TRAM2: variants seen among roughly 807,000 people sequenced by gnomAD.
TRAM2 encodes translocating chain-associated membrane protein 2.
Under a neutral mutation model 51.0 loss-of-function variants are expected in TRAM2, and 12 were observed. The observed-to-expected ratio is 0.24, with a 90% CI of 0.15 to 0.38. TRAM2 has a LOEUF of 0.38. Among genes scored for constraint, TRAM2 ranks in the 10% least tolerant of loss-of-function variants. The probability of loss-of-function intolerance (pLI) is 1.00; values close to 1 mark genes in which losing one functional copy is unlikely to be tolerated. For synonymous variants in TRAM2, 175 were observed against 179.4 expected (o/e 0.98, Z 0.20); for missense variants, 361 against 462.0 (o/e 0.78, Z 2.00).
intron 1 of TRAM2, among the ~76,000 whole-genome samples, chr6:52,537,789 C>T (rs546877298): frequency 6.6e-6 from 1 of 152,288 alleles, no homozygotes; most frequent in South Asian, 2.1e-4. Flanking sequence ...ACAGTAAGTG[C>T]TCAGTAACGG....
intron 1 of TRAM2, 119 bp downstream of exon 1, chr6:52,576,677 A>C: frequency 3.7e-6 from 5 of 1,353,848 alleles, no homozygotes; most frequent in Non-Finnish European, 5.0e-6. Context: ...GGTGCAGATA[A>C]CGTACACGGC....
At position 52,568,418 on chromosome 6, in the gene TRAM2, G is replaced by A. The variant is rs896536672; in HGVS notation, c.120+8378C>T. On this transcript the variant is annotated intron_variant, in intron 1 of 10. Transcript: ENST00000182527. ...AGTTGGACTACAAACTAAAAACACA[G>A]TCTCAACTCCAAAACCATGGGTCTG... Among the ~76,000 whole-genome samples, 3 of 152,158 alleles carry A rather than the reference G, an allele frequency of 2.0e-5. No individual in the cohort carries two copies. The South Asian group carries it at 6.2e-4, about 32-fold the overall frequency.
intron 1 of TRAM2, among the ~76,000 whole-genome samples, chr6:52,550,661 C>T (rs1767292116): frequency 6.6e-6 from 1 of 152,138 alleles, no homozygotes; most frequent in South Asian, 2.1e-4. Flanking sequence ...ACGTGATTCT[C>T]CTGCCTCAGC....
intron 5 of TRAM2, among the ~76,000 whole-genome samples, 164 bp from the exon 6 acceptor site, chr6:52,508,482 C>A (rs1243019755): frequency 6.6e-6 from 1 of 152,244 alleles, no homozygotes; most frequent in Non-Finnish European, 1.5e-5. Flanking sequence ...GAGCCTGGGA[C>A]CCTGGCTTCT....
intron 2 of TRAM2, among the ~76,000 whole-genome samples, chr6:52,518,885 G>A (rs534028997): frequency 1.4e-3 from 209 of 152,296 alleles, no homozygotes; most frequent in Non-Finnish European, 2.5e-3. Context: ...TAGGCATAAT[G>A]GGATTTATAC....
intron 1 of TRAM2, among the ~76,000 whole-genome samples, chr6:52,538,828 A>T (rs926784437): frequency 5.9e-5 from 9 of 152,206 alleles, no homozygotes; most frequent in Non-Finnish European, 1.3e-4. Flanking sequence ...AACTGTCATC[A>T]TTCACATGAA....
intron 1 of TRAM2, among the ~76,000 whole-genome samples, chr6:52,574,276 GT>G (rs1314465359): frequency 6.6e-6 from 1 of 152,138 alleles, no homozygotes; most frequent in Non-Finnish European, 1.5e-5. Flanking sequence ...TTGTTTCTCT[GT>G]GGTACCTACA....
At chr6:52,550,515 A>G (rs970081835) in intron 1 of TRAM2, among the ~76,000 whole-genome samples, 3 of 152,150 alleles carry the variant, frequency 2.0e-5, no homozygotes, top group Admixed American at 2.0e-4. Flanking sequence ...TAACCTCATC[A>G]ACGTAACTGC....
At chr6:52,563,812 G>T (rs1767543599) in intron 1 of TRAM2, among the ~76,000 whole-genome samples, 1 of 148,974 alleles carries the variant, frequency 6.7e-6, no homozygotes, top group East Asian at 2.0e-4. Flanking sequence ...TTTGAGTCAT[G>T]TGAATGTATC....
At chr6:52,545,729 G>A (rs1254121559) in intron 1 of TRAM2, among the ~76,000 whole-genome samples, 8 of 151,308 alleles carry the variant, frequency 5.3e-5, no homozygotes, top group African/African-American at 1.2e-4. Context: ...ACCAAGCTCC[G>A]GAAAAGACAA....
At chr6:52,539,235 G>C (rs753117082) in intron 1 of TRAM2, among the ~76,000 whole-genome samples, 3 of 152,180 alleles carry the variant, frequency 2.0e-5, no homozygotes, top group African/African-American at 7.2e-5. Flanking sequence ...AAGAGACTAC[G>C]AAAAGGACAT....
At chr6:52,513,399 G>A (rs1766487860) in intron 4 of TRAM2, among the ~76,000 whole-genome samples, 1 of 152,156 alleles carries the variant, frequency 6.6e-6, no homozygotes, top group Non-Finnish European at 1.5e-5. Context: ...TATGTGCCAG[G>A]CACCATACCA....
chr6:52,541,331 T>C (rs1767077812), intron 1 of TRAM2, among the ~76,000 whole-genome samples: 1 of 151,586 alleles, frequency 6.6e-6, no homozygotes, highest in Non-Finnish European at 1.5e-5. Context: ...ACAATGACCC[T>C]ACAAGATAGG....
intron 1 of TRAM2, among the ~76,000 whole-genome samples, chr6:52,573,525 T>C (rs1330121389): frequency 6.6e-6 from 1 of 152,124 alleles, no homozygotes; most frequent in African/African-American, 2.4e-5. Context: ...AAGCAGCCTG[T>C]AGGACTGGGA....
chr6:52,513,472 A>G (rs1361881477), intron 4 of TRAM2, among the ~76,000 whole-genome samples: 1 of 152,152 alleles, frequency 6.6e-6, no homozygotes, highest in African/African-American at 2.4e-5. Context: ...GGAGAAACAG[A>G]GAATACAGAA....
intron 1 of TRAM2, among the ~76,000 whole-genome samples, chr6:52,560,176 G>C (rs1381392924): frequency 6.6e-6 from 1 of 151,784 alleles, no homozygotes; most frequent in Non-Finnish European, 1.5e-5. Context: ...CCTGGGAGGC[G>C]AAGGAGGTTG....
intron 1 of TRAM2, among the ~76,000 whole-genome samples, chr6:52,550,176 G>C (rs556924840): frequency 2.6e-5 from 4 of 152,198 alleles, no homozygotes; most frequent in African/African-American, 9.6e-5. Context: ...TTTCCTGCTG[G>C]ACAGTTCTGG....
At chr6:52,562,870 T>C (rs968653379) in intron 1 of TRAM2, among the ~76,000 whole-genome samples, 2 of 152,238 alleles carry the variant, frequency 1.3e-5, no homozygotes, top group African/African-American at 4.8e-5. Context: ...GTAGAACTTT[T>C]AGTATGTAAC....
intron 5 of TRAM2, 120 bp downstream of exon 5, chr6:52,509,408 C>A: frequency 2.3e-6 from 2 of 881,600 alleles, no homozygotes; most frequent in South Asian, 1.6e-5. Flanking sequence ...ACAATAGGCT[C>A]AGGGCATGAT....
Sources: allele counts gnomAD v4.1 joint callset (sites outside exome capture counted in the v4.1 genomes callset), GRCh38; gene constraint gnomAD v4.1.1; transcripts MANE v1.5; gene names NCBI Gene and HGNC (gene_info 2026-07-23, HGNC 2026-07-21).